The following PTPRN2 variants were observed in gnomAD, a reference collection of about 807,000 sequenced individuals.
PTPRN2 encodes receptor-type tyrosine-protein phosphatase N2.
In PTPRN2, 74 loss-of-function variants were observed where a neutral mutation model predicts 118.8. The observed-to-expected ratio is 0.62, with a 90% confidence interval of 0.52 to 0.76. The LOEUF is 0.76. PTPRN2 is among the 30% of genes least tolerant of loss of function. PTPRN2 has a pLI of 0.00. For synonymous variants in PTPRN2, 641 were observed against 608.0 expected (o/e 1.05, Z -0.80); for missense variants, 1,481 against 1,394.4 (o/e 1.06, Z -0.99).
At chr7:157,693,203 G>C (rs1797601577) in intron 12 of PTPRN2, among the ~76,000 whole-genome samples, 1 of 152,064 alleles carries the variant, frequency 6.6e-6, no homozygotes, top group Non-Finnish European at 1.5e-5. Context: ...CCTCAGCCTG[G>C]CTGGTAACCG....
At chr7:158,013,654 A>G (rs1406654132) in intron 11 of PTPRN2, among the ~76,000 whole-genome samples, 1 of 151,708 alleles carries the variant, frequency 6.6e-6, no homozygotes, top group Admixed American at 6.6e-5. Flanking sequence ...TCCATCATTC[A>G]TCATCTGTCT....
At chr7:158,395,343 G>C (rs1452325717) in intron 2 of PTPRN2, among the ~76,000 whole-genome samples, 1 of 11,614 alleles carries the variant, frequency 8.6e-5, no homozygotes, top group East Asian at 1.9e-3. Context: ...CGAGGCGCGA[G>C]GGGCCAGGGG....
intron 2 of PTPRN2, among the ~76,000 whole-genome samples, chr7:158,387,554 G>A (rs1488719537): frequency 6.6e-6 from 1 of 152,308 alleles, no homozygotes; most frequent in East Asian, 1.9e-4. Context: ...GACTCCAGGG[G>A]GCTGCGGCAT....
intron 2 of PTPRN2, among the ~76,000 whole-genome samples, chr7:158,327,382 CAT>C (rs1803717140): frequency 1.3e-5 from 2 of 151,526 alleles, no homozygotes; most frequent in Non-Finnish European, 2.9e-5. Flanking sequence ...CACATTATCA[CAT>C]GCACACACAT....
intron 21 of PTPRN2, among the ~76,000 whole-genome samples, chr7:157,556,158 G>GTCT (rs1481623882): frequency 3.3e-5 from 5 of 152,172 alleles, no homozygotes; most frequent in African/African-American, 1.2e-4. Flanking sequence ...CCAGACCTGG[G>GTCT]TCTCAGGGAT....
intron 2 of PTPRN2, among the ~76,000 whole-genome samples, chr7:158,424,381 C>G (rs911432181): frequency 1.3e-5 from 2 of 152,214 alleles, no homozygotes; most frequent in Non-Finnish European, 1.5e-5. Context: ...TGCCTGTTAA[C>G]GTTTATTGCT....
intron 2 of PTPRN2, among the ~76,000 whole-genome samples, chr7:158,368,637 G>T (rs556564267): frequency 6.6e-6 from 1 of 152,178 alleles, no homozygotes; most frequent in Non-Finnish European, 1.5e-5. Flanking sequence ...GCACAGGGAC[G>T]TCCAAGGACC....
intron 9 of PTPRN2, among the ~76,000 whole-genome samples, chr7:158,130,859 ACACT>A (rs1434287219): frequency 6.7e-6 from 1 of 150,188 alleles, no homozygotes; most frequent in Non-Finnish European, 1.5e-5. Flanking sequence ...CCCAACACAC[ACACT>A]CATATACACG....
chr7:158,192,459 G>GT lies in PTPRN2; in HGVS notation c.416dup (p.Tyr139Ter). 1 of 1,577,682 alleles carries GT rather than the reference G, an allele frequency of 6.3e-7. No individual in the cohort carries two copies. The highest frequency in any genetic ancestry group is 8.6e-7 in the Non-Finnish European group (1 of 1,167,002). Residue 139 changes from tyrosine (Y) to a stop codon, truncating the protein, a stop_gained and frameshift_variant, in exon 5 of 23, where the codon TAC (tyrosine) becomes TAAC (stop). Coordinates refer to ENST00000389418, the MANE Select transcript of PTPRN2 (RefSeq NM_002847.5). LOFTEE classifies it high-confidence loss of function. Reference sequence around the variant, plus strand: ...CCAGGGCAGCACCGCCCTCCCGACTGTACCTCCTCTCGCTGCCAACGCTGT... The same window carrying GT: ...CCAGGGCAGCACCGCCCTCCCGACTGTTACCTCCTCTCGCTGCCAACGCTGT... ...SKHSVGSERRYSREGGAALAN... is the reference protein window; with the variant it reads ...SKHSVGSERR
chr7:158,351,754 A>AT (rs1398399376), intron 2 of PTPRN2, among the ~76,000 whole-genome samples: 1 of 151,982 alleles, frequency 6.6e-6, no homozygotes, highest in African/African-American at 2.4e-5. Context: ...GACAGATATC[A>AT]TTTTCATTCA....
chr7:158,389,993 T>C (rs577435755), intron 2 of PTPRN2, among the ~76,000 whole-genome samples: 96 of 152,350 alleles, frequency 6.3e-4, no homozygotes, highest in African/African-American at 2.2e-3. Flanking sequence ...GACTCTGTAA[T>C]GACGCTGTTC....
chr7:157,824,827 C>T (rs1174814349), intron 12 of PTPRN2, among the ~76,000 whole-genome samples: 6 of 152,320 alleles, frequency 3.9e-5, no homozygotes, highest in African/African-American at 9.6e-5. Flanking sequence ...ACCTGTTTCC[C>T]GTGAGGCAGA....
At chr7:158,252,972 G>A (rs943390853) in intron 3 of PTPRN2, among the ~76,000 whole-genome samples, 3 of 152,140 alleles carry the variant, frequency 2.0e-5, no homozygotes, top group East Asian at 1.9e-4. Flanking sequence ...CCTGTGGCCC[G>A]AGGTTCCTCC....
In PTPRN2 at chr7:158,017,775, G is replaced by A. The variant is rs1006602224; in HGVS notation, c.1723+63523C>T. Among the ~76,000 whole-genome samples, 9 of 152,224 alleles carry A rather than the reference G, an allele frequency of 5.9e-5. No individual in the cohort carries two copies. The South Asian group carries it at 1.5e-3, about 25-fold the overall frequency. ...GGGCGGCCAGCAGGGACAGAAGGACGCAGGACTCTGCACGGCTCCACAGCT... is the reference window on the plus strand; with the variant it reads ...GGGCGGCCAGCAGGGACAGAAGGACACAGGACTCTGCACGGCTCCACAGCT... On this transcript the variant is annotated intron_variant, in intron 11 of 22. Transcript: ENST00000389418.
intron 6 of PTPRN2, among the ~76,000 whole-genome samples, chr7:158,149,847 A>G (rs1585636251): frequency 6.6e-6 from 1 of 152,148 alleles, no homozygotes; most frequent in Non-Finnish European, 1.5e-5. Context: ...TCTTGAAAAA[A>G]CAAAAAAATT....
chr7:158,325,647 C>T (rs901881766), intron 2 of PTPRN2, among the ~76,000 whole-genome samples: 3 of 152,196 alleles, frequency 2.0e-5, no homozygotes, highest in African/African-American at 7.2e-5. Context: ...AAAGGCACCC[C>T]AATTACGAAG....
chr7:158,414,166 G>C (rs1182637687), intron 2 of PTPRN2, among the ~76,000 whole-genome samples: 2 of 151,420 alleles, frequency 1.3e-5, no homozygotes, highest in East Asian at 3.9e-4. Flanking sequence ...AGTGAGTACC[G>C]TGCACTTCCA....
chr7:158,114,209 G>C (rs1196690864), intron 9 of PTPRN2, among the ~76,000 whole-genome samples: 3 of 152,312 alleles, frequency 2.0e-5, no homozygotes, highest in African/African-American at 7.2e-5. Flanking sequence ...TCTGGGACCT[G>C]AGTGGGCCAA....
At chr7:158,096,301 G>A (rs542598702) in intron 10 of PTPRN2, among the ~76,000 whole-genome samples, 13 of 152,236 alleles carry the variant, frequency 8.5e-5, no homozygotes, top group South Asian at 2.1e-4. Context: ...TCTAAGAGCC[G>A]GGTCTCAGCC....
Sources: allele counts gnomAD v4.1 joint callset (sites outside exome capture counted in the v4.1 genomes callset), GRCh38; gene constraint gnomAD v4.1.1; transcripts MANE v1.5; gene names NCBI Gene and HGNC (gene_info 2026-07-23, HGNC 2026-07-21).